Variants in CMSS1 observed in about 807,000 individuals in gnomAD.
CMSS1 encodes protein CMSS1.
CMSS1 carries 33 observed loss-of-function variants against 43.5 expected under a neutral mutation model. The ratio of observed to expected loss-of-function variants is 0.76; its 90% confidence interval spans 0.57 to 1.01. CMSS1 has a LOEUF of 1.01. Ranked by LOEUF, CMSS1 falls within the 50% of genes least tolerant of loss-of-function variation. The pLI is 0.00. For synonymous variants in CMSS1, 115 were observed against 117.2 expected (o/e 0.98, Z 0.12); for missense variants, 313 against 326.4 (o/e 0.96, Z 0.32).
At chr3:100,178,204 A>C in intron 9 of CMSS1, 101 bp from the exon 10 acceptor site, 1 of 651,624 alleles carries the variant, frequency 1.5e-6, no homozygotes, top group Non-Finnish European at 2.7e-6. Context: ...TCTGGCCATA[A>C]CAGCTGGGTA....
chr3:100,079,964 A>G (rs1174681804), intron 1 of CMSS1, among the ~76,000 whole-genome samples: 1 of 152,182 alleles, frequency 6.6e-6, no homozygotes, highest in Non-Finnish European at 1.5e-5. Context: ...TTCATGGCAT[A>G]TTGAGAAACA....
At chr3:99,823,371 T>C (rs544339253) in intron 1 of CMSS1, among the ~76,000 whole-genome samples, 38 of 152,356 alleles carry the variant, frequency 2.5e-4, no homozygotes, top group Non-Finnish European at 4.9e-4. Flanking sequence ...GCTACTGAAT[T>C]ATTCTCCAAA....
intron 2 of CMSS1, among the ~76,000 whole-genome samples, chr3:100,158,211 A>C (rs1214410226): frequency 6.6e-6 from 1 of 152,162 alleles, no homozygotes; most frequent in East Asian, 1.9e-4. Flanking sequence ...ATCATTCTTA[A>C]AGTAATTTTT....
In CMSS1 at chr3:100,071,090, CTTT is replaced by C. The variant is rs61563009; in HGVS notation, c.65-75864_65-75862del. ...TTGTTTTTAAGAGAAGCTACTCTCT[CTTT>C]TTTTTTTTTTTTTTTTTTGGATGGA... On this transcript the variant is annotated intron_variant, in intron 1 of 9. Coordinates refer to ENST00000421999, the MANE Select transcript of CMSS1 (RefSeq NM_032359.4). Among the ~76,000 whole-genome samples the C allele has an allele frequency of 8.1e-3, 574 of 70,580 alleles. 2 individuals are homozygous for C. The highest frequency in any genetic ancestry group is 0.015 in the South Asian group (27 of 1,852). 46.3% of individuals were successfully genotyped at this position (70,580 alleles called of 152,430 possible). A position where few individuals can be genotyped will look rare whatever the true frequency, so the allele number is the denominator to read the frequency against.
At chr3:100,016,518 G>C (rs1710344989) in intron 1 of CMSS1, among the ~76,000 whole-genome samples, 1 of 152,092 alleles carries the variant, frequency 6.6e-6, no homozygotes, top group African/African-American at 2.4e-5. Flanking sequence ...TGATTTCTTG[G>C]CTGTGAAGAC....
At chr3:99,845,333 G>T (rs1943314701) in intron 1 of CMSS1, among the ~76,000 whole-genome samples, 2 of 152,110 alleles carry the variant, frequency 1.3e-5, no homozygotes, top group Admixed American at 1.3e-4. Flanking sequence ...ACCTTTTAAA[G>T]AGTTAAAGAG....
chr3:100,007,579 A>T (rs751575307), intron 1 of CMSS1, among the ~76,000 whole-genome samples: 7 of 152,210 alleles, frequency 4.6e-5, no homozygotes, highest in Non-Finnish European at 8.8e-5. Context: ...ACTCTCAGTT[A>T]TGTGACTGAG....
rs777736564 is a variant in CMSS1 at position 99,989,679 on chromosome 3, TATA to T, written c.65-157293_65-157291del. 9.2e-3 allele frequency among the ~76,000 whole-genome samples: 1,321 copies of T among 143,930 alleles called. 23 individuals are homozygous for T. Among genetic ancestry groups the T allele is most frequent in the African/African-American group, 0.028 (1,067 of 38,330 alleles). 94.4% of individuals were successfully genotyped at this position (143,930 alleles called of 152,430 possible). The stretch of plus-strand genomic sequence containing the variant: ...GTATCTTCCTCTATATATATATATA[TATA>T]TATTTTTTTTCTTTTTTTTGCAGAA... On this transcript the variant is annotated intron_variant, in intron 1 of 9. Transcript: ENST00000421999.
chr3:99,992,256 A>G (rs1260387429), intron 1 of CMSS1, among the ~76,000 whole-genome samples: 2 of 152,232 alleles, frequency 1.3e-5, no homozygotes, highest in East Asian at 1.9e-4. Context: ...ACTGTTTTGC[A>G]TAAAGGTTGT....
chr3:99,970,682 C>T (rs981718204), intron 1 of CMSS1, among the ~76,000 whole-genome samples: 30 of 152,176 alleles, frequency 2.0e-4, no homozygotes, highest in African/African-American at 7.0e-4. Flanking sequence ...AATGACAAGA[C>T]ATTCTGTATA....
intron 9 of CMSS1, among the ~76,000 whole-genome samples, 162 bp downstream of exon 9, chr3:100,176,577 T>G (rs542586756): frequency 7.2e-5 from 11 of 152,332 alleles, no homozygotes; most frequent in Non-Finnish European, 1.5e-5. Context: ...AGAGGCCACC[T>G]CATCCCCTTA....
rs1576124769 is a variant in CMSS1 at position 100,178,238 on chromosome 3, GA to G, written c.757-65del. On this transcript the variant is annotated intron_variant, in intron 9 of 9. Transcript: ENST00000421999. Reference sequence around the variant, plus strand: ...TAAATATCAGGGAGTCCTGATGGTTGAATGTATTCACCAAGACCATTTTGGC... The same window carrying G: ...TAAATATCAGGGAGTCCTGATGGTTGATGTATTCACCAAGACCATTTTGGC... The G allele has an allele frequency of 1.4e-5, 13 of 909,344 alleles. No homozygotes were observed. In the East Asian group the frequency reaches 3.2e-4, roughly 22 times the overall value. 56.3% of individuals were successfully genotyped at this position (909,344 alleles called of 1,614,324 possible).
intron 1 of CMSS1, among the ~76,000 whole-genome samples, chr3:100,034,724 A>G (rs2065078371): frequency 6.6e-6 from 1 of 152,222 alleles, no homozygotes; most frequent in Non-Finnish European, 1.5e-5. Flanking sequence ...GCTTGAAATA[A>G]TGTTGATAAA....
chr3:100,133,669 G>A (rs1173909806), intron 1 of CMSS1, among the ~76,000 whole-genome samples: 1 of 152,046 alleles, frequency 6.6e-6, no homozygotes, highest in Non-Finnish European at 1.5e-5. Flanking sequence ...CCCCCATCAC[G>A]TAAGACTTTA....
chr3:100,153,840 T>C (rs1377252888), intron 2 of CMSS1, among the ~76,000 whole-genome samples: 4 of 151,758 alleles, frequency 2.6e-5, no homozygotes, highest in South Asian at 2.1e-4. Flanking sequence ...GGCTATTTCT[T>C]TTTTTTTCTT....
intron 1 of CMSS1, among the ~76,000 whole-genome samples, chr3:99,920,214 T>G (rs1471668767): frequency 4.6e-5 from 7 of 152,332 alleles, no homozygotes; most frequent in Admixed American, 4.6e-4. Context: ...ACATAGTTTG[T>G]TTTAGAATTC....
intron 1 of CMSS1, among the ~76,000 whole-genome samples, chr3:100,008,783 TG>T (rs1345941843): frequency 6.6e-6 from 1 of 152,190 alleles, no homozygotes; most frequent in Non-Finnish European, 1.5e-5. Context: ...CTCTGGCCCT[TG>T]TATTTTGCGT....
intron 1 of CMSS1, among the ~76,000 whole-genome samples, chr3:100,024,695 C>G (rs2064886365): frequency 6.6e-6 from 1 of 152,168 alleles, no homozygotes; most frequent in Admixed American, 6.5e-5. Flanking sequence ...TCTAGCCTCT[C>G]TTATTCAGCA....
chr3:100,000,696 T>C (rs760991497), intron 1 of CMSS1, among the ~76,000 whole-genome samples: 5 of 152,236 alleles, frequency 3.3e-5, no homozygotes, highest in African/African-American at 4.8e-5. Context: ...ACCTGGGCGA[T>C]AGCGCAAGAC....
Sources: allele counts gnomAD v4.1 joint callset (sites outside exome capture counted in the v4.1 genomes callset), GRCh38; gene constraint gnomAD v4.1.1; transcripts MANE v1.5; gene names NCBI Gene and HGNC (gene_info 2026-07-23, HGNC 2026-07-21).